The following ANKRD30A variants were observed in gnomAD, a reference collection of about 807,000 sequenced individuals.
ANKRD30A encodes ankyrin repeat domain-containing protein 30A.
A neutral mutation model predicts 166.3 loss-of-function variants in ANKRD30A; 170 were observed. That is an observed-to-expected ratio of 1.02 (90% CI 0.90 to 1.16). ANKRD30A has a LOEUF of 1.16. Among genes scored for constraint, ANKRD30A ranks in the 50% most tolerant of loss-of-function variants. ANKRD30A has a pLI of 0.00. For synonymous variants in ANKRD30A, 564 were observed against 508.9 expected, an observed-to-expected ratio of 1.11 and a Z score of -1.46; for missense variants, 1,630 against 1,518.0, an observed-to-expected ratio of 1.07 and a Z score of -1.23.
At chr10:37,220,004 T>TATATATATATATAG (rs1842817364) in intron 34 of ANKRD30A, 107 bp downstream of exon 34, 1 of 155,058 alleles carries the variant, frequency 6.4e-6, no homozygotes. Flanking sequence ...TATATATATA[T>TATATATATATATAG]ATATATATAT....
At chr10:37,253,488 C>G in the ANKRD30A span, among the ~76,000 whole-genome samples, 2 of 152,158 alleles carry the variant, frequency 1.3e-5, no homozygotes, top group Non-Finnish European at 2.9e-5. Flanking sequence ...CATTAACCAT[C>G]ACTCTCTATT....
chr10:37,142,066 A>G lies in ANKRD30A; in HGVS notation c.1169A>G (p.Asp390Gly), dbSNP rs1329939467. 1.9e-6 allele frequency: 3 copies of G among 1,613,700 alleles called. No homozygotes were observed. The highest frequency in any genetic ancestry group is 2.5e-6 in the Non-Finnish European group (3 of 1,179,926). Residue 390 changes from aspartate (D) to glycine (G), a missense_variant, in exon 7 of 36, where the codon GAC (aspartate) becomes GGC (glycine). Asp to Gly is a moderately conservative substitution (Grantham distance 94). This residue lies in a region of ANKRD30A where 904 missense variants were observed against 818.5 expected (regional missense o/e 1.10). Transcript: ENST00000361713. Reference sequence around the variant, plus strand: ...AAGATCGCATGGGAGAAAAAAGAAGACACACCTAGGGAAATTATGAGTCCC... The same window carrying G: ...AAGATCGCATGGGAGAAAAAAGAAGGCACACCTAGGGAAATTATGAGTCCC... Reference protein sequence around the residue: ...PRKIAWEKKEDTPREIMSPAK... With the variant: ...PRKIAWEKKEGTPREIMSPAK...
chr10:37,134,244 A>G (rs1209594425), intron 5 of ANKRD30A, among the ~76,000 whole-genome samples, 191 bp downstream of exon 5: 1 of 152,148 alleles, frequency 6.6e-6, no homozygotes, highest in Non-Finnish European at 1.5e-5. Flanking sequence ...AATGTTGTCT[A>G]CTTGATTTTT....
chr10:37,148,073 C>G (rs549676813), intron 9 of ANKRD30A, among the ~76,000 whole-genome samples: 1 of 146,512 alleles, frequency 6.8e-6, no homozygotes, highest in East Asian at 2.0e-4. Flanking sequence ...TAGACAAATA[C>G]TTATGAAACA....
Position 37,153,682 on chromosome 10 carries a change from TA to T in ANKRD30A, c.1798+25del. The T allele has an allele frequency of 6.2e-7, 1 of 1,609,640 alleles. No individual in the cohort carries two copies. Among genetic ancestry groups the T allele is most frequent in the South Asian group, 1.1e-5 (1 of 90,630 alleles). On this transcript the variant is annotated intron_variant, in intron 13 of 35. Transcript: ENST00000361713. Reference sequence around the variant, plus strand: ...TAGAAGGTAAGAACCGTTTTTTATTTAAAAATCAGTTGACCGAATATTTCTC... The same window carrying T: ...TAGAAGGTAAGAACCGTTTTTTATTTAAAATCAGTTGACCGAATATTTCTC...
chr10:37,144,827 C>T (rs1290759017), intron 7 of ANKRD30A, among the ~76,000 whole-genome samples, 168 bp from the exon 8 acceptor site: 1 of 152,112 alleles, frequency 6.6e-6, no homozygotes, highest in African/African-American at 2.4e-5. Flanking sequence ...TTTAAGATTG[C>T]AGCTCTAACC....
Position 37,132,329 on chromosome 10 carries a change from A to C in ANKRD30A, c.600A>C (p.Ala200=). 6.3e-7 allele frequency: 1 copy of C among 1,596,142 alleles called. No individual in the cohort carries two copies. The highest frequency in any genetic ancestry group is 8.5e-7 in the Non-Finnish European group (1 of 1,169,632). The part of the protein sequence containing the change: ...FLLIKNANAN[A]VNKYKCTALM... ...TGATAAAAAATGCAAATGCGAATGC[A>C]GTTAATAAGTATAAATGGTATAGTA... is the stretch of plus-strand genomic sequence containing the variant. Residue 200 remains alanine (A), a synonymous_variant, in exon 4 of 36, where the codon GCA becomes GCC. Transcript: ENST00000361713.
At chr10:37,134,122 G>C in intron 5 of ANKRD30A, 69 bp downstream of exon 5, 1 of 1,563,694 alleles carries the variant, frequency 6.4e-7, no homozygotes, top group Non-Finnish European at 8.7e-7. Context: ...GAATTACAGT[G>C]AGTTCACTTC....
chr10:37,192,845 C>G (rs1027762281), intron 25 of ANKRD30A, among the ~76,000 whole-genome samples: 2 of 151,946 alleles, frequency 1.3e-5, no homozygotes, highest in African/African-American at 4.8e-5. Context: ...GAAATCCTCA[C>G]AGCATGTTTG....
chr10:37,141,947 C>G lies in ANKRD30A; in HGVS notation c.1050C>G (p.Phe350Leu), dbSNP rs202098264. The change falls in exon 7 of 36, where the codon TTC (phenylalanine) becomes TTG (leucine). Residue 350 changes from phenylalanine (F) to leucine (L), a missense_variant. Phe to Leu is a conservative substitution (Grantham distance 22). Coordinates refer to ENST00000361713, the MANE Select transcript of ANKRD30A (RefSeq NM_052997.3). The part of the protein sequence containing the change: ...QCLEKATSGK[F>L]EQSAEETPRE... ...TGGAGAAAGCGACATCTGGAAAGTT[C>G]GAACAGTCAGCAGAAGAAACACCTA... The G allele has an allele frequency of 2.0e-4, 318 of 1,566,060 alleles. No homozygotes were observed. Among genetic ancestry groups the G allele is most frequent in the Non-Finnish European group, 1.2e-4 (140 of 1,158,868 alleles).
At chr10:37,151,858 G>A (rs1315531246) in intron 11 of ANKRD30A, among the ~76,000 whole-genome samples, 1 of 152,040 alleles carries the variant, frequency 6.6e-6, no homozygotes, top group Non-Finnish European at 1.5e-5. Context: ...GCATTGTAAT[G>A]AAATAATGTT....
At chr10:37,193,703 G>T (rs1840795401) in intron 27 of ANKRD30A, among the ~76,000 whole-genome samples, 1 of 151,960 alleles carries the variant, frequency 6.6e-6, no homozygotes, top group Non-Finnish European at 1.5e-5. Flanking sequence ...TTAGATGACT[G>T]TGTGTTTGTG....
Position 37,219,623 on chromosome 10 carries a change from A to C in ANKRD30A, c.3911A>C (p.Asn1304Thr). The C allele has an allele frequency of 6.2e-7, 1 of 1,610,264 alleles. No homozygotes were observed. Among genetic ancestry groups the C allele is most frequent in the Non-Finnish European group, 8.5e-7 (1 of 1,177,646 alleles). ...AAGGAAGCTGAACACATGTATCAAAACGAACAAGATAATGTGAACAAACAC... is the reference window on the plus strand; with the variant it reads ...AAGGAAGCTGAACACATGTATCAAACCGAACAAGATAATGTGAACAAACAC... ...QMKEAEHMYQ[N>T]EQDNVNKHTE... The change falls in exon 34 of 36, where the codon AAC (asparagine) becomes ACC (threonine). Residue 1304 changes from asparagine (N) to threonine (T), a missense_variant. By Grantham distance (65) the Asn-to-Thr change is moderately conservative. Around this residue, in one of 4 missense-constraint regions of ANKRD30A, gnomAD observed 712 missense variants for 629.3 expected, o/e 1.13. Coordinates refer to ENST00000361713, the MANE Select transcript of ANKRD30A (RefSeq NM_052997.3).
intron 34 of ANKRD30A, among the ~76,000 whole-genome samples, chr10:37,222,988 AT>A (rs1842964248): frequency 6.6e-6 from 1 of 151,372 alleles, no homozygotes; most frequent in African/African-American, 2.4e-5. Flanking sequence ...CTGATAATTT[AT>A]TTTTTCAGAC....
chr10:37,226,190 T>G (rs1843141896), intron 34 of ANKRD30A, among the ~76,000 whole-genome samples: 2 of 151,354 alleles, frequency 1.3e-5, no homozygotes, highest in Non-Finnish European at 3.0e-5. Context: ...ATGTGCCATG[T>G]TGGTGTGCTG....
chr10:37,144,145 A>G (rs1837346932), intron 7 of ANKRD30A, among the ~76,000 whole-genome samples: 1 of 152,144 alleles, frequency 6.6e-6, no homozygotes, highest in African/African-American at 2.4e-5. Flanking sequence ...GCCATCAGTT[A>G]AGGGGCTGTG....
chr10:37,236,785 G>C (rs1166995667), downstream of ANKRD30A, among the ~76,000 whole-genome samples: 1 of 152,196 alleles, frequency 6.6e-6, no homozygotes, highest in Non-Finnish European at 1.5e-5. Context: ...AAATAACCCA[G>C]AACATGGATA....
chr10:37,224,389 A>AT (rs1429835785), intron 34 of ANKRD30A, among the ~76,000 whole-genome samples: 1 of 150,100 alleles, frequency 6.7e-6, no homozygotes, highest in East Asian at 2.0e-4. Context: ...ATATTTACTT[A>AT]TTTTCTACTG....
chr10:37,244,655 T>C, the ANKRD30A span, among the ~76,000 whole-genome samples: 1 of 152,240 alleles, frequency 6.6e-6, no homozygotes, highest in Non-Finnish European at 1.5e-5. Flanking sequence ...CTTCACCCCA[T>C]GCTTTCTCAG....
Sources: gnomAD v4.1 joint callset for allele counts (sites outside exome capture counted in the v4.1 genomes callset) on GRCh38, gnomAD v4.1.1 for gene constraint, gnomAD v4.1.1 regional missense constraint, MANE v1.5 for transcripts, NCBI Gene and HGNC (gene_info 2026-07-23, HGNC 2026-07-21) for gene names.